The following UCHL1 variants were observed in gnomAD, a reference collection of about 807,000 sequenced individuals.
UCHL1 encodes the protein ubiquitin carboxyl-terminal hydrolase isozyme L1.
Under a neutral mutation model 33.3 loss-of-function variants are expected in UCHL1, and 5 were observed. The ratio of observed to expected loss-of-function variants is 0.15; its 90% confidence interval spans 0.08 to 0.32. UCHL1 has a LOEUF of 0.32. Among genes scored for constraint, UCHL1 ranks in the 10% least tolerant of loss-of-function variants. The pLI, the probability that UCHL1 is intolerant of heterozygous loss-of-function variation, is 1.00. For missense variants in UCHL1, 236 were observed against 280.0 expected (o/e 0.84, Z 1.12); for synonymous variants, 132 against 108.8 (o/e 1.21, Z -1.33).
intron 4 of UCHL1, among the ~76,000 whole-genome samples, chr4:41,261,293 T>C (rs945641497): frequency 6.6e-6 from 1 of 152,256 alleles, no homozygotes; most frequent in African/African-American, 2.4e-5. Flanking sequence ...ATGTATATAA[T>C]AGATGTTAAC....
At chr4:41,257,281 C>G (rs571756800) in intron 2 of UCHL1, 155 bp downstream of exon 2, 2 of 1,255,246 alleles carry the variant, frequency 1.6e-6, no homozygotes, top group Admixed American at 5.4e-5. Flanking sequence ...TTCCTGGGCC[C>G]CTGCATTTAG....
chr4:41,262,467 T>G (rs1781087100), intron 6 of UCHL1, among the ~76,000 whole-genome samples: 1 of 152,094 alleles, frequency 6.6e-6, no homozygotes, highest in Non-Finnish European at 1.5e-5. Context: ...TTATAGAGTG[T>G]ACACCTCTCC....
rs539670990 is a variant in UCHL1 at position 41,268,043 on chromosome 4, C to T, written c.642C>T (p.Phe214=). ...FTEREQGEVR[F]SAVALCKAA is the part of the protein sequence containing the mutation. ...AGCGTGAGCAAGGAGAAGTCCGCTT[C>T]TCTGCCGTGGCTCTCTGCAAGGCAG... is the stretch of plus-strand genomic sequence containing the variant. Residue 214 remains phenylalanine, a synonymous_variant, in exon 9 of 9, where the codon TTC becomes TTT. Coordinates refer to ENST00000284440, the MANE Select transcript of UCHL1 (RefSeq NM_004181.5). The T allele has an allele frequency of 2.5e-6, 4 of 1,613,648 alleles. No individual in the cohort carries two copies. In the South Asian group the frequency reaches 4.4e-5, roughly 18 times the overall value.
chr4:41,260,902 A>G, intron 4 of UCHL1, 105 bp downstream of exon 4: 4 of 1,499,870 alleles, frequency 2.7e-6, no homozygotes, highest in Non-Finnish European at 3.7e-6. Flanking sequence ...TTTTGAAACC[A>G]TTTTGTAATG....
rs778064650 is a variant in UCHL1, at chr4:41,257,701, C to G, written c.138C>G (p.Ala46=). Residue 46 remains alanine, a synonymous_variant, in exon 3 of 9, where the codon GCC becomes GCG. Transcript: ENST00000284440. ...EESLGSVPAP[A]CALLLLFPLT... ...CTCTGGGCTCGGTGCCAGCGCCTGC[C>G]TGCGCGCTGCTGCTGCTGTTTCCCC... 2.5e-6 allele frequency: 4 copies of G among 1,579,418 alleles called. No homozygotes were observed. Among genetic ancestry groups the G allele is most frequent in the East Asian group, 2.3e-5 (1 of 43,128 alleles).
intron 8 of UCHL1, among the ~76,000 whole-genome samples, chr4:41,266,580 A>T (rs1166181691): frequency 6.6e-6 from 1 of 152,142 alleles, no homozygotes; most frequent in South Asian, 2.1e-4. Flanking sequence ...ATATATTAAA[A>T]AACTTGGTAG....
Position 41,260,789 on chromosome 4 carries a change from TG to T in UCHL1, c.320del (p.Gly107AspfsTer8). 6.2e-7 allele frequency: 1 copy of T among 1,614,040 alleles called. No homozygotes were observed. Among genetic ancestry groups the T allele is most frequent in the Non-Finnish European group, 8.5e-7 (1 of 1,180,004 alleles). ...IHAVANNQDK[L>X]GFEDGSVLKQ... The stretch of plus-strand genomic sequence containing the variant: ...GCAGTGGCCAATAATCAAGACAAAC[TG>T]GGATTTGGTAGGTGTGGGTTTTGAG... On this transcript the variant is annotated frameshift_variant, in exon 4 of 9. Coordinates refer to ENST00000284440, the MANE Select transcript of UCHL1 (RefSeq NM_004181.5). LOFTEE classifies it high-confidence loss of function.
At position 41,257,120 on chromosome 4, in the gene UCHL1, G is replaced by A. The variant is rs748451000; in HGVS notation, c.39G>A (p.Leu13=). ...TCTTTGCATTTGCCTTTCAGATGCT[G>A]AACAAAGTGAGTGGCGTCTCGCGCC... ...LKPMEINPEM[L]NKVLSRLGVA... The change falls in exon 2 of 9, where the codon CTG becomes CTA. Residue 13 remains leucine, a synonymous_variant. Coordinates refer to ENST00000284440, the MANE Select transcript of UCHL1 (RefSeq NM_004181.5). 1 of 1,613,378 alleles carries A rather than the reference G, an allele frequency of 6.2e-7. No homozygotes were observed. The highest frequency in any genetic ancestry group is 1.1e-5 in the South Asian group (1 of 91,038).
At chr4:41,264,336 T>G (rs1781121400) in intron 8 of UCHL1, 175 bp downstream of exon 8, 1 of 807,888 alleles carries the variant, frequency 1.2e-6, no homozygotes, top group Non-Finnish European at 2.0e-6. Flanking sequence ...TTATTGCAAG[T>G]GGTTTTAAAC....
intron 3 of UCHL1, 88 bp downstream of exon 3, chr4:41,257,825 C>G: frequency 2.0e-6 from 3 of 1,495,864 alleles, no homozygotes; most frequent in South Asian, 1.3e-5. Flanking sequence ...GCCCCGCCCC[C>G]TCCCCTGTAG....
rs565148227 is a variant in UCHL1 at position 41,257,499 on chromosome 4, C to T, written c.46-110C>T. On this transcript the variant is annotated intron_variant, in intron 2 of 8. Transcript: ENST00000284440. ...GGCAGGGCGGGACTGGGGCTCCTCC[C>T]AGGCTCGGGTGCGGGCGCGGAGGGC... is the stretch of plus-strand genomic sequence containing the variant. The T allele has an allele frequency of 8.2e-6, 11 of 1,336,072 alleles. No individual in the cohort carries two copies. In the Admixed American group the frequency reaches 1.6e-4, roughly 20 times the overall value. 82.8% of individuals were successfully genotyped at this position (1,336,072 alleles called of 1,614,324 possible).
rs560441878 is a variant in UCHL1, at chr4:41,262,315, C to T, written c.459+392C>T. Among the ~76,000 whole-genome samples, 16 of 152,056 alleles carry T rather than the reference C, an allele frequency of 1.1e-4. No individual in the cohort carries two copies. In the South Asian group the frequency reaches 1.2e-3, roughly 12 times the overall value. ...CGTCCCTACAAAAAATACAGAGTAG[C>T]GAGGTCTGTAGTCCCAGCCACTTGG... On this transcript the variant is annotated intron_variant, in intron 6 of 8. Transcript: ENST00000284440.
chr4:41,257,854 A>T, intron 3 of UCHL1, 117 bp downstream of exon 3: 1 of 1,422,698 alleles, frequency 7.0e-7, no homozygotes, highest in Non-Finnish European at 9.3e-7. Context: ...GGGCGCGCCT[A>T]CAAGGAAGGG....
At chr4:41,257,255 C>G in intron 2 of UCHL1, 129 bp downstream of exon 2, 1 of 1,439,178 alleles carries the variant, frequency 6.9e-7, no homozygotes, top group South Asian at 1.3e-5. Flanking sequence ...CGGGCTGGGG[C>G]GTGGGCTGGG....
At chr4:41,261,625 C>G in intron 4 of UCHL1, 90 bp from the exon 5 acceptor site, 1 of 1,400,042 alleles carries the variant, frequency 7.1e-7, no homozygotes, top group Non-Finnish European at 1.0e-6. Context: ...TCAGGTTGCT[C>G]AGCATGTTCA....
chr4:41,267,975 T>C lies in UCHL1; in HGVS notation c.586-12T>C. The C allele has an allele frequency of 1.2e-6, 2 of 1,611,438 alleles. No individual in the cohort carries two copies. Among genetic ancestry groups the C allele is most frequent in the Non-Finnish European group, 8.5e-7 (1 of 1,178,654 alleles). On this transcript the variant is annotated splice_polypyrimidine_tract_variant and intron_variant, in intron 8 of 8. Transcript: ENST00000284440. ...TTGCTGTTTGGATTTTAATGACATT[T>C]CTCCTTTCCAGGACGCTGCCAAGGT... is the stretch of plus-strand genomic sequence containing the variant.
intron 6 of UCHL1, among the ~76,000 whole-genome samples, chr4:41,262,884 A>T (rs5006026): frequency 3.3e-5 from 5 of 152,036 alleles, no homozygotes; most frequent in East Asian, 1.9e-4. Context: ...CTAGTATTGC[A>T]GGTGTGAGCC....
At position 41,257,102 on chromosome 4, in the gene UCHL1, A is replaced by G. The variant is rs1245410576; in HGVS notation, c.34-13A>G. On this transcript the variant is annotated splice_polypyrimidine_tract_variant and intron_variant, in intron 1 of 8. Coordinates refer to ENST00000284440, the MANE Select transcript of UCHL1 (RefSeq NM_004181.5). ...GGTTCGGTTTTGCCTTTTTCTTTGC[A>G]TTTGCCTTTCAGATGCTGAACAAAG... 1.2e-6 allele frequency: 2 copies of G among 1,613,558 alleles called. No homozygotes were observed. Among genetic ancestry groups the G allele is most frequent in the South Asian group, 1.1e-5 (1 of 91,066 alleles).
intron 4 of UCHL1, 87 bp downstream of exon 4, chr4:41,260,884 G>A (rs1781059193): frequency 1.9e-6 from 3 of 1,586,814 alleles, no homozygotes; most frequent in African/African-American, 1.3e-5. Context: ...GGTCAGAGAT[G>A]CTGTACCTTT....
Sources: allele counts gnomAD v4.1 joint callset (sites outside exome capture counted in the v4.1 genomes callset), GRCh38; gene constraint gnomAD v4.1.1; transcripts MANE v1.5; gene names NCBI Gene and HGNC (gene_info 2026-07-23, HGNC 2026-07-21).